Variants in NEGR1 observed in about 807,000 individuals in gnomAD.
NEGR1 encodes the protein IgLON family member 4.
A neutral mutation model predicts 40.9 loss-of-function variants in NEGR1; 10 were observed. That is an observed-to-expected ratio of 0.24 (90% CI 0.15 to 0.42). The LOEUF (loss-of-function observed/expected upper bound fraction) is 0.42. Among genes scored for constraint, NEGR1 ranks in the 10% least tolerant of loss-of-function variants. NEGR1 has a pLI of 1.00. For synonymous variants in NEGR1, 185 were observed against 166.8 expected, an observed-to-expected ratio of 1.11 and a Z score of -0.84; for missense variants, 352 against 438.9, an observed-to-expected ratio of 0.80 and a Z score of 1.77.
intron 1 of NEGR1, among the ~76,000 whole-genome samples, chr1:71,943,695 G>A (rs962188596): frequency 5.3e-5 from 8 of 152,074 alleles, no homozygotes; most frequent in African/African-American, 1.2e-4. Flanking sequence ...AACTAACAAA[G>A]TCTGAATATC....
intron 1 of NEGR1, among the ~76,000 whole-genome samples, chr1:72,050,358 C>A (rs1354217641): frequency 6.6e-6 from 1 of 151,312 alleles, no homozygotes; most frequent in Non-Finnish European, 1.5e-5. Context: ...TTGGGAACAG[C>A]AATTATAAAA....
intron 1 of NEGR1, among the ~76,000 whole-genome samples, chr1:71,970,536 A>G (rs1440661979): frequency 1.3e-5 from 2 of 152,080 alleles, no homozygotes; most frequent in Non-Finnish European, 2.9e-5. Flanking sequence ...ACTAAAAAAT[A>G]GAAAAATTAG....
intron 1 of NEGR1, among the ~76,000 whole-genome samples, chr1:72,217,693 C>T (rs1016045415): frequency 6.6e-6 from 1 of 151,726 alleles, no homozygotes; most frequent in Non-Finnish European, 1.5e-5. Context: ...AATTTGGTTA[C>T]ATTTAAATAA....
At chr1:72,143,584 C>A (rs969514470) in intron 1 of NEGR1, among the ~76,000 whole-genome samples, 2 of 151,340 alleles carry the variant, frequency 1.3e-5, no homozygotes, top group African/African-American at 4.8e-5. Flanking sequence ...GTGTAATTTG[C>A]AAAAATTATA....
intron 2 of NEGR1, among the ~76,000 whole-genome samples, chr1:71,824,592 C>T (rs1015823282): frequency 6.6e-6 from 1 of 151,934 alleles, no homozygotes; most frequent in Non-Finnish European, 1.5e-5. Context: ...TGAATTTTGA[C>T]AACTGTAAAC....
chr1:71,999,632 AATATATAT>A lies in NEGR1; in HGVS notation c.177-64329_177-64322del, dbSNP rs528857972. Among the ~76,000 whole-genome samples the A allele has an allele frequency of 5.2e-3, 249 of 48,340 alleles. 8 individuals carry two copies. Among genetic ancestry groups the A allele is most frequent in the African/African-American group, 0.013 (134 of 10,694 alleles). The allele number at this position is 48,340 out of a possible 152,430, so 31.7% of individuals were successfully genotyped here. On this transcript the variant is annotated intron_variant, in intron 1 of 6. Transcript: ENST00000357731. ...ATGTATTTGCATCTTGAGCAAAGCAAATATATATATATATATATATATATATATATATA... is the reference window on the plus strand; with the variant it reads ...ATGTATTTGCATCTTGAGCAAAGCAAATATATATATATATATATATATATA...
At chr1:71,795,393 A>G (rs1570356941) in intron 2 of NEGR1, among the ~76,000 whole-genome samples, 1 of 152,154 alleles carries the variant, frequency 6.6e-6, no homozygotes, top group African/African-American at 2.4e-5. Flanking sequence ...CCTGGACTAA[A>G]ACAGTGGTTC....
intron 1 of NEGR1, among the ~76,000 whole-genome samples, chr1:72,029,704 C>T (rs1215333274): frequency 3.3e-5 from 5 of 152,038 alleles, no homozygotes; most frequent in Non-Finnish European, 7.4e-5. Context: ...AAAAAGAAAA[C>T]AAAGCATTTG....
intron 2 of NEGR1, among the ~76,000 whole-genome samples, chr1:71,878,584 T>C (rs1660497788): frequency 6.6e-6 from 1 of 152,220 alleles, no homozygotes; most frequent in South Asian, 2.1e-4. Context: ...TAATTAAATG[T>C]ATTTGTCACC....
rs74088199 is a variant in NEGR1 at position 72,221,964 on chromosome 1, T to A, written c.176+60355A>T. Among the ~76,000 whole-genome samples the A allele has an allele frequency of 9.1e-3, 1,378 of 151,062 alleles. 20 individuals carry two copies. Among genetic ancestry groups the A allele is most frequent in the African/African-American group, 0.031 (1,277 of 41,128 alleles). On this transcript the variant is annotated intron_variant, in intron 1 of 6. Transcript: ENST00000357731. ...TTCTAGGCCCACCCCCAAGACTCAGTCCCTAGGCCCACCGAGGAGCAAGGG... is the reference window on the plus strand; with the variant it reads ...TTCTAGGCCCACCCCCAAGACTCAGACCCTAGGCCCACCGAGGAGCAAGGG...
intron 1 of NEGR1, among the ~76,000 whole-genome samples, chr1:72,205,529 C>T (rs1319310548): frequency 6.7e-6 from 1 of 148,466 alleles, no homozygotes; most frequent in South Asian, 2.1e-4. Context: ...AGATTTTTTC[C>T]ACTCACAATG....
At chr1:71,886,027 C>T (rs983961048) in intron 2 of NEGR1, among the ~76,000 whole-genome samples, 35 of 152,248 alleles carry the variant, frequency 2.3e-4, no homozygotes, top group African/African-American at 1.9e-4. Flanking sequence ...TATCAAAAGA[C>T]GACAGCTTTT....
chr1:71,428,628 ATATATAAATTTATT>A (rs1553140939), intron 6 of NEGR1, among the ~76,000 whole-genome samples: 1 of 150,112 alleles, frequency 6.7e-6, no homozygotes, highest in African/African-American at 2.4e-5. Context: ...AAAACTTTGC[ATATATAAATTTATT>A]TATATAAATT....
intron 6 of NEGR1, among the ~76,000 whole-genome samples, chr1:71,460,075 T>C (rs1023883170): frequency 2.0e-5 from 3 of 152,212 alleles, no homozygotes; most frequent in African/African-American, 7.2e-5. Flanking sequence ...TCAAAGTACA[T>C]ATTACTAAGT....
intron 3 of NEGR1, among the ~76,000 whole-genome samples, chr1:71,725,368 C>T (rs1654636498): frequency 6.6e-6 from 1 of 152,078 alleles, no homozygotes; most frequent in African/African-American, 2.4e-5. Flanking sequence ...AGAACCCACA[C>T]CTTGATCCGT....
At chr1:72,192,425 T>C (rs17092451) in intron 1 of NEGR1, among the ~76,000 whole-genome samples, 5,279 of 151,998 alleles carry the variant, frequency 0.035, 314 homozygotes, top group African/African-American at 0.12. Flanking sequence ...TACATCACTG[T>C]ATAATATACT....
intron 6 of NEGR1, among the ~76,000 whole-genome samples, chr1:71,427,004 G>T (rs1281580539): frequency 6.6e-6 from 1 of 152,084 alleles, no homozygotes; most frequent in Non-Finnish European, 1.5e-5. Context: ...CTATATTTTA[G>T]CTTTCACTGT....
chr1:72,126,393 A>T (rs1386461979), intron 1 of NEGR1, among the ~76,000 whole-genome samples: 1 of 152,104 alleles, frequency 6.6e-6, no homozygotes, highest in Non-Finnish European at 1.5e-5. Flanking sequence ...GATACGTATT[A>T]TTTATTTCTG....
intron 4 of NEGR1, among the ~76,000 whole-genome samples, chr1:71,615,371 G>C (rs1650415812): frequency 6.6e-6 from 1 of 152,132 alleles, no homozygotes; most frequent in South Asian, 2.1e-4. Flanking sequence ...GAAAGAAAAA[G>C]GAAGAGCAAG....
Sources: gnomAD v4.1 joint callset for allele counts (sites outside exome capture counted in the v4.1 genomes callset) on GRCh38, gnomAD v4.1.1 for gene constraint, MANE v1.5 for transcripts, NCBI Gene and HGNC (gene_info 2026-07-23, HGNC 2026-07-21) for gene names.